Variants in GRID2 observed in about 807,000 individuals in gnomAD.
The protein encoded by GRID2 is glutamate ionotropic receptor delta type subunit 2.
In GRID2, 33 loss-of-function variants were observed where a neutral mutation model predicts 114.8. That is an observed-to-expected ratio of 0.29 (90% CI 0.22 to 0.38). The LOEUF is 0.38. GRID2 is among the 10% of genes least tolerant of loss of function. The pLI is 1.00. For synonymous variants in GRID2, 505 were observed against 449.9 expected, an observed-to-expected ratio of 1.12 and a Z score of -1.55; for missense variants, 1,184 against 1,257.7, an observed-to-expected ratio of 0.94 and a Z score of 0.89.
rs937569016 is a variant in GRID2, at chr4:93,339,046, G to T, written c.1246-56561G>T. On this transcript the variant is annotated intron_variant, in intron 8 of 15. Coordinates refer to ENST00000282020, the MANE Select transcript of GRID2 (RefSeq NM_001510.4). ...CAAGCAGCCATACAGACAGGTCCAT[G>T]TGGTGAGGGTCTGAGGCCTTCTGCC... Among the ~76,000 whole-genome samples the T allele has an allele frequency of 5.9e-5, 9 of 152,170 alleles. No homozygotes were observed. The South Asian group carries it at 1.2e-3, about 21-fold the overall frequency.
At chr4:93,395,791 ATCT>A in intron 9 of GRID2, 83 bp downstream of exon 9, 1 of 611,420 alleles carries the variant, frequency 1.6e-6, no homozygotes, top group Non-Finnish European at 3.0e-6. Context: ...TGATGACATA[ATCT>A]TAAAAGAGAT....
At chr4:92,346,625 G>T (rs969599565) in intron 1 of GRID2, among the ~76,000 whole-genome samples, 3 of 152,008 alleles carry the variant, frequency 2.0e-5, no homozygotes, top group African/African-American at 7.3e-5. Context: ...TTGGCCTCTG[G>T]GATTACAGGC....
intron 1 of GRID2, among the ~76,000 whole-genome samples, chr4:92,508,952 A>C (rs528161377): frequency 6.6e-6 from 1 of 151,982 alleles, no homozygotes; most frequent in South Asian, 2.1e-4. Flanking sequence ...ATTACATAAA[A>C]ATAACTCAGG....
chr4:92,720,242 CA>C (rs1735746826), intron 2 of GRID2, among the ~76,000 whole-genome samples: 1 of 151,964 alleles, frequency 6.6e-6, no homozygotes, highest in African/African-American at 2.4e-5. Flanking sequence ...GAAAATTACA[CA>C]GGTAAAATTG....
At chr4:92,396,594 G>A (rs184408843) in intron 1 of GRID2, among the ~76,000 whole-genome samples, 37 of 152,074 alleles carry the variant, frequency 2.4e-4, no homozygotes, top group Admixed American at 5.9e-4. Flanking sequence ...GCCTAATTAC[G>A]GAGATGAGGC....
At chr4:92,419,469 A>T (rs567676052) in intron 1 of GRID2, among the ~76,000 whole-genome samples, 11 of 152,290 alleles carry the variant, frequency 7.2e-5, no homozygotes, top group African/African-American at 2.6e-4. Context: ...GACGGATAAA[A>T]TACGTCAAAT....
chr4:93,043,627 T>C (rs188201358), intron 2 of GRID2, among the ~76,000 whole-genome samples: 11 of 152,174 alleles, frequency 7.2e-5, no homozygotes, highest in Non-Finnish European at 1.3e-4. Flanking sequence ...TTCTTGAAGA[T>C]GAAGTTTAAA....
chr4:92,841,627 G>C (rs1372836345), intron 2 of GRID2, among the ~76,000 whole-genome samples: 2 of 152,014 alleles, frequency 1.3e-5, no homozygotes, highest in African/African-American at 4.8e-5. Context: ...TTACAAGTAA[G>C]CTGCATTTAG....
chr4:93,395,986 G>C (rs1289469795), intron 9 of GRID2, among the ~76,000 whole-genome samples: 1 of 151,834 alleles, frequency 6.6e-6, no homozygotes, highest in African/African-American at 2.4e-5. Context: ...ACAAAGTAAA[G>C]GTATGTCTCA....
intron 1 of GRID2, among the ~76,000 whole-genome samples, chr4:92,442,886 G>A (rs550895307): frequency 6.6e-6 from 1 of 152,274 alleles, no homozygotes; most frequent in South Asian, 2.1e-4. Flanking sequence ...GGGCAGGAGG[G>A]GGAGGGCTAG....
chr4:93,286,063 GA>G (rs1267631519), intron 8 of GRID2, among the ~76,000 whole-genome samples: 2 of 152,040 alleles, frequency 1.3e-5, no homozygotes, highest in Non-Finnish European at 2.9e-5. Context: ...ATACATGTCA[GA>G]AAAAAACTTT....
intron 4 of GRID2, among the ~76,000 whole-genome samples, chr4:93,183,408 T>G (rs1160451100): frequency 1.3e-5 from 2 of 152,148 alleles, no homozygotes; most frequent in African/African-American, 4.8e-5. Context: ...TACTCAAAAA[T>G]GATAGCATTG....
chr4:92,567,939 A>G (rs982854214), intron 1 of GRID2, among the ~76,000 whole-genome samples: 19 of 152,040 alleles, frequency 1.2e-4, no homozygotes, highest in Non-Finnish European at 2.5e-4. Context: ...AGGAAATAAT[A>G]AACAAGAGAT....
intron 13 of GRID2, among the ~76,000 whole-genome samples, chr4:93,594,890 C>A (rs1049115608): frequency 4.6e-5 from 7 of 152,218 alleles, no homozygotes; most frequent in Non-Finnish European, 8.8e-5. Flanking sequence ...CCGAGTGAGG[C>A]AATGCCTCGC....
intron 2 of GRID2, among the ~76,000 whole-genome samples, chr4:92,917,709 A>G: frequency 6.6e-6 from 1 of 152,022 alleles, no homozygotes; most frequent in East Asian, 1.9e-4. Flanking sequence ...ATTGGTGTTT[A>G]TCTCTGTTTT....
chr4:92,741,813 A>G (rs1352949442), intron 2 of GRID2, among the ~76,000 whole-genome samples: 1 of 152,170 alleles, frequency 6.6e-6, no homozygotes, highest in Non-Finnish European at 1.5e-5. Flanking sequence ...AAAGAACAGG[A>G]ACATTTAATT....
intron 13 of GRID2, among the ~76,000 whole-genome samples, chr4:93,524,613 AC>A (rs1730647685): frequency 6.6e-6 from 1 of 151,718 alleles, no homozygotes; most frequent in Non-Finnish European, 1.5e-5. Context: ...AAAAGGAGAA[AC>A]CTAGAATCAT....
At chr4:93,494,042 A>G (rs536796283) in intron 12 of GRID2, among the ~76,000 whole-genome samples, 1 of 151,962 alleles carries the variant, frequency 6.6e-6, no homozygotes, top group East Asian at 1.9e-4. Flanking sequence ...GTGTTGGTAA[A>G]CATAATTGCC....
At chr4:93,354,558 G>A (rs1157713739) in intron 8 of GRID2, among the ~76,000 whole-genome samples, 1 of 151,664 alleles carries the variant, frequency 6.6e-6, no homozygotes, top group East Asian at 1.9e-4. Context: ...ATCGTATACA[G>A]TGACAGTGAT....
Sources: gnomAD v4.1 joint callset for allele counts (sites outside exome capture counted in the v4.1 genomes callset) on GRCh38, gnomAD v4.1.1 for gene constraint, MANE v1.5 for transcripts, NCBI Gene and HGNC (gene_info 2026-07-23, HGNC 2026-07-21) for gene names.